NEK4: variants seen among roughly 807,000 people sequenced by gnomAD.
The protein encoded by NEK4 is NIMA related kinase 4.
Under a neutral mutation model 98.4 loss-of-function variants are expected in NEK4, and 86 were observed. The observed-to-expected ratio is 0.87, with a 90% CI of 0.73 to 1.05. NEK4 has a LOEUF of 1.05. Ranked by LOEUF, NEK4 falls within the 50% of genes least tolerant of loss-of-function variation. The pLI, the probability that NEK4 is intolerant of heterozygous loss-of-function variation, is 0.00. For synonymous variants in NEK4, 328 were observed against 342.2 expected (o/e 0.96, Z 0.46); for missense variants, 898 against 950.3 (o/e 0.94, Z 0.72).
At chr3:52,723,559 G>T (rs1017498391) in intron 15 of NEK4, among the ~76,000 whole-genome samples, 2 of 152,118 alleles carry the variant, frequency 1.3e-5, no homozygotes, top group Non-Finnish European at 2.9e-5. Flanking sequence ...AAGAAATTCT[G>T]AAGATGAAAA....
At chr3:52,749,033 G>T (rs540831830) in intron 8 of NEK4, among the ~76,000 whole-genome samples, 3 of 152,218 alleles carry the variant, frequency 2.0e-5, no homozygotes, top group Non-Finnish European at 4.4e-5. Context: ...GCTGCAGTGA[G>T]CTGAGATCAC....
At chr3:52,720,497 CA>C in intron 15 of NEK4, among the ~76,000 whole-genome samples, 1 of 152,220 alleles carries the variant, frequency 6.6e-6, no homozygotes, top group African/African-American at 2.4e-5. Context: ...TGCTGAAAGT[CA>C]AAAACAGAGA....
At chr3:52,745,930 C>G (rs1442723672) in intron 10 of NEK4, 131 bp downstream of exon 10, 1 of 812,098 alleles carries the variant, frequency 1.2e-6, no homozygotes, top group Non-Finnish European at 2.0e-6. Context: ...ACTATATTGC[C>G]CAGGCCAGTC....
intron 5 of NEK4, among the ~76,000 whole-genome samples, chr3:52,763,022 A>C (rs907252506): frequency 2.0e-5 from 3 of 152,238 alleles, no homozygotes; most frequent in African/African-American, 7.2e-5. Flanking sequence ...ATTATCAAGA[A>C]TGGAAAGCTG....
chr3:52,722,164 C>T (rs1174131241), intron 15 of NEK4, among the ~76,000 whole-genome samples: 1 of 152,208 alleles, frequency 6.6e-6, no homozygotes, highest in Admixed American at 6.5e-5. Flanking sequence ...GGGGGACTTC[C>T]CCACCTTAAG....
chr3:52,736,294 T>G (rs11130324), intron 15 of NEK4, among the ~76,000 whole-genome samples: 84,112 of 152,058 alleles, frequency 0.55, 23,902 homozygotes, highest in African/African-American at 0.67. Context: ...TTTTTAAAAA[T>G]AATTATAGCA....
chr3:52,739,904 C>T (rs1296472296), intron 13 of NEK4, among the ~76,000 whole-genome samples: 1 of 152,094 alleles, frequency 6.6e-6, no homozygotes, highest in East Asian at 1.9e-4. Flanking sequence ...AGGCCATAGG[C>T]AGATCAAAGT....
chr3:52,712,274 G>T (rs1039359782), intron 15 of NEK4, among the ~76,000 whole-genome samples: 4 of 152,222 alleles, frequency 2.6e-5, no homozygotes, highest in African/African-American at 7.2e-5. Context: ...ACCATTTAGT[G>T]AAATGGGAAA....
intron 15 of NEK4, among the ~76,000 whole-genome samples, chr3:52,730,038 G>A (rs1349081301): frequency 2.6e-5 from 4 of 152,200 alleles, no homozygotes; most frequent in African/African-American, 9.7e-5. Context: ...AAACCGGGAG[G>A]CAGAGATTGC....
rs2097349488 is a variant in NEK4 at position 52,710,648 on chromosome 3, G to A, written c.*1129C>T. ...GTGGTGGCACACGCCTGTGGTCTCA[G>A]CTACTAGGGAGGCTCAGGCAGGAAT... On this transcript the variant is annotated 3_prime_UTR_variant, in exon 16 of 16. Transcript: ENST00000233027. 1 of 152,002 alleles carries A rather than the reference G, an allele frequency of 6.6e-6. No individual in the cohort carries two copies. The highest frequency in any genetic ancestry group is 6.6e-5 in the Admixed American group (1 of 15,246). 9.4% of individuals were successfully genotyped at this position (152,002 alleles called of 1,614,324 possible). A position where few individuals can be genotyped will look rare whatever the true frequency, so the allele number is the denominator to read the frequency against.
At chr3:52,749,347 G>T (rs2097401270) in intron 8 of NEK4, among the ~76,000 whole-genome samples, 1 of 151,508 alleles carries the variant, frequency 6.6e-6, no homozygotes, top group Non-Finnish European at 1.5e-5. Flanking sequence ...TGGCCAGGCT[G>T]GTCTTGAACT....
chr3:52,754,437 T>C, intron 6 of NEK4: 14 of 562,880 alleles, frequency 2.5e-5, no homozygotes, highest in South Asian at 2.0e-4. Flanking sequence ...GAGAAAGATG[T>C]TCAGCTTTTT....
rs1320259522 is a variant in NEK4 at position 52,752,029 on chromosome 3, A to G, written c.1271T>C (p.Leu424Pro). Residue 424 changes from leucine to proline, a missense_variant, in exon 7 of 16, where the codon CTG (leucine) becomes CCG (proline). Transcript: ENST00000233027. ...NTKSSAQPEN[L>P]IPMWSSDIVT... ...AATGTCAGAGGACCACATGGGAATC[A>G]GGTTTTCAGGCTGGGCACTGGATTT... is the stretch of plus-strand genomic sequence containing the variant. 1.2e-6 allele frequency: 2 copies of G among 1,614,104 alleles called. No homozygotes were observed. The highest frequency in any genetic ancestry group is 2.7e-5 in the African/African-American group (2 of 74,926).
Position 52,710,523 on chromosome 3 carries a change from G to C in NEK4, c.*1254C>G, listed in dbSNP as rs2097349375. On this transcript the variant is annotated 3_prime_UTR_variant, in exon 16 of 16. Transcript: ENST00000233027. The stretch of plus-strand genomic sequence containing the variant: ...TTCCTGTAATCCTGGCACTTTGGGA[G>C]GCTGAGGTGAGTGGATTGCTTGAGC... The C allele has an allele frequency of 2.0e-5, 3 of 152,176 alleles. No individual in the cohort carries two copies. The highest frequency in any genetic ancestry group is 4.4e-5 in the Non-Finnish European group (3 of 68,040). 9.4% of individuals were successfully genotyped at this position (152,176 alleles called of 1,614,324 possible).
intron 12 of NEK4, among the ~76,000 whole-genome samples, chr3:52,741,856 A>G (rs1369597921): frequency 6.6e-6 from 1 of 151,838 alleles, no homozygotes; most frequent in Non-Finnish European, 1.5e-5. Context: ...CTCGGCTCAC[A>G]GCAACTTCCG....
At position 52,710,257 on chromosome 3, in the gene NEK4, C is replaced by T. The variant is rs1002005160; in HGVS notation, c.*1520G>A. 4 of 151,352 alleles carry T rather than the reference C, an allele frequency of 2.6e-5. No homozygotes were observed. Among genetic ancestry groups the T allele is most frequent in the East Asian group, 1.9e-4 (1 of 5,160 alleles). The allele number at this position is 151,352 out of a possible 1,614,324, so 9.4% of individuals were successfully genotyped here. On this transcript the variant is annotated 3_prime_UTR_variant, in exon 16 of 16. Transcript: ENST00000233027. ...GCGGGCAACTGTAGTCCCAGCTACT[C>T]GAGAGGATGAGGTAGGAGAATGGAG...
intron 5 of NEK4, among the ~76,000 whole-genome samples, chr3:52,762,307 G>T (rs996147678): frequency 6.6e-6 from 1 of 152,178 alleles, no homozygotes; most frequent in African/African-American, 2.4e-5. Flanking sequence ...TACACAGTAA[G>T]ATGTATAGGT....
intron 10 of NEK4, among the ~76,000 whole-genome samples, 191 bp downstream of exon 10, chr3:52,745,870 A>T (rs2097395202): frequency 6.6e-6 from 1 of 152,122 alleles, no homozygotes; most frequent in Non-Finnish European, 1.5e-5. Context: ...CTATAGGCAC[A>T]TGCCACCACA....
chr3:52,752,443 C>G, intron 6 of NEK4, 107 bp from the exon 7 acceptor site: 1 of 1,053,324 alleles, frequency 9.5e-7, no homozygotes, highest in Non-Finnish European at 1.4e-6. Flanking sequence ...ATAGAATTAA[C>G]ATATGACTCA....
Sources: gnomAD v4.1 joint callset for allele counts (sites outside exome capture counted in the v4.1 genomes callset) on GRCh38, gnomAD v4.1.1 for gene constraint, MANE v1.5 for transcripts, NCBI Gene and HGNC (gene_info 2026-07-23, HGNC 2026-07-21) for gene names.